Variants in GMDS observed in about 807,000 individuals in gnomAD.
GMDS encodes the protein GDP-mannose 4,6 dehydratase.
In GMDS, 20 loss-of-function variants were observed where a neutral mutation model predicts 49.9. That is an observed-to-expected ratio of 0.40 (90% CI 0.28 to 0.58). GMDS has a LOEUF of 0.58. GMDS is among the 20% of genes least tolerant of loss of function. GMDS has a pLI of 0.42. For missense variants in GMDS, 362 were observed against 481.4 expected, an observed-to-expected ratio of 0.75 and a Z score of 2.32; for synonymous variants, 177 against 178.6, an observed-to-expected ratio of 0.99 and a Z score of 0.07.
chr6:1,741,894 T>C (rs1767286505), intron 8 of GMDS, among the ~76,000 whole-genome samples: 1 of 147,620 alleles, frequency 6.8e-6, no homozygotes, highest in South Asian at 2.2e-4. Context: ...AATAAAATAG[T>C]ATTTAAAAAT....
chr6:2,002,815 T>G (rs1226735008), intron 4 of GMDS, among the ~76,000 whole-genome samples: 1 of 152,208 alleles, frequency 6.6e-6, no homozygotes, highest in East Asian at 1.9e-4. Context: ...GTGTTACACC[T>G]GTAAAAAATC....
intron 7 of GMDS, among the ~76,000 whole-genome samples, chr6:1,918,931 A>T (rs757780796): frequency 1.1e-4 from 17 of 152,224 alleles, no homozygotes; most frequent in Non-Finnish European, 2.2e-4. Context: ...ATATCAAGTA[A>T]ATCTAGCACA....
chr6:2,042,153 G>A (rs1769723847), intron 4 of GMDS, among the ~76,000 whole-genome samples: 1 of 152,180 alleles, frequency 6.6e-6, no homozygotes, highest in African/African-American at 2.4e-5. Flanking sequence ...TTTTAAGTTT[G>A]CTTGCTTGAA....
chr6:2,042,221 A>G (rs1232187813), intron 4 of GMDS, among the ~76,000 whole-genome samples: 1 of 152,254 alleles, frequency 6.6e-6, no homozygotes. Flanking sequence ...TTTAACAAGC[A>G]TTGCCTTTAA....
intron 9 of GMDS, among the ~76,000 whole-genome samples, chr6:1,706,993 C>T (rs966554773): frequency 6.6e-6 from 1 of 152,226 alleles, no homozygotes; most frequent in Non-Finnish European, 1.5e-5. Flanking sequence ...TTTGGCATCT[C>T]ATACTGGTTC....
At chr6:2,141,094 T>C (rs1450860040) in intron 1 of GMDS, among the ~76,000 whole-genome samples, 1 of 152,192 alleles carries the variant, frequency 6.6e-6, no homozygotes, top group Non-Finnish European at 1.5e-5. Flanking sequence ...TACCTTCAAG[T>C]AAACGAAAGG....
intron 4 of GMDS, among the ~76,000 whole-genome samples, chr6:2,097,166 A>G (rs889016959): frequency 2.0e-5 from 3 of 152,158 alleles, no homozygotes. Flanking sequence ...CAGAAACCCA[A>G]TGGAAGCTGT....
intron 7 of GMDS, among the ~76,000 whole-genome samples, chr6:1,854,532 C>G (rs1757860354): frequency 6.6e-6 from 1 of 152,246 alleles, no homozygotes; most frequent in Non-Finnish European, 1.5e-5. Flanking sequence ...CTGGAGACAT[C>G]TGTGATTGTC....
intron 4 of GMDS, among the ~76,000 whole-genome samples, chr6:1,969,784 T>C (rs1764495670): frequency 6.6e-6 from 1 of 152,162 alleles, no homozygotes. Context: ...TCCCCTGGCG[T>C]GCTTCACCTC....
At chr6:2,063,297 A>C (rs1771302488) in intron 4 of GMDS, among the ~76,000 whole-genome samples, 1 of 152,238 alleles carries the variant, frequency 6.6e-6, no homozygotes, top group Non-Finnish European at 1.5e-5. Flanking sequence ...TACTGAAGAT[A>C]TCTAATCAGC....
intron 1 of GMDS, among the ~76,000 whole-genome samples, chr6:2,205,561 C>T (rs1299011355): frequency 3.2e-4 from 48 of 152,182 alleles, no homozygotes; most frequent in Admixed American, 3.1e-3. Context: ...TAATAGCTCC[C>T]ATTTGTTTCC....
At chr6:2,186,229 C>T (rs1342363577) in intron 1 of GMDS, among the ~76,000 whole-genome samples, 1 of 152,098 alleles carries the variant, frequency 6.6e-6, no homozygotes, top group African/African-American at 2.4e-5. Context: ...CTATGCGGAC[C>T]GCTGCAATGT....
At chr6:1,856,356 T>C (rs1757938938) in intron 7 of GMDS, among the ~76,000 whole-genome samples, 1 of 152,194 alleles carries the variant, frequency 6.6e-6, no homozygotes, top group Non-Finnish European at 1.5e-5. Flanking sequence ...TATTCCTACT[T>C]ACAACTCAGC....
intron 1 of GMDS, among the ~76,000 whole-genome samples, chr6:2,208,675 T>C (rs1034510306): frequency 3.3e-5 from 5 of 152,304 alleles, no homozygotes; most frequent in Admixed American, 3.3e-4. Flanking sequence ...AAGAGCTCAA[T>C]GTAGCTGAAA....
chr6:1,692,872 C>G (rs887589752), intron 9 of GMDS, among the ~76,000 whole-genome samples: 1 of 152,112 alleles, frequency 6.6e-6, no homozygotes, highest in African/African-American at 2.4e-5. Context: ...TTGATTGGTT[C>G]TTTTTCTCTT....
chr6:1,853,004 G>A (rs1264183710), intron 7 of GMDS, among the ~76,000 whole-genome samples: 2 of 151,904 alleles, frequency 1.3e-5, no homozygotes, highest in African/African-American at 4.8e-5. Context: ...GCCTGCCTGG[G>A]ATCCGCTTTA....
intron 6 of GMDS, among the ~76,000 whole-genome samples, chr6:1,936,949 AGAGT>A (rs1258524853): frequency 2.0e-5 from 3 of 148,878 alleles, no homozygotes; most frequent in Non-Finnish European, 4.4e-5. Flanking sequence ...CCTGAATGAC[AGAGT>A]GAGACTCTGT....
At chr6:2,061,337 G>T (rs1157384785) in intron 4 of GMDS, among the ~76,000 whole-genome samples, 1 of 151,974 alleles carries the variant, frequency 6.6e-6, no homozygotes, top group African/African-American at 2.4e-5. Context: ...AGTCATTATG[G>T]TATTTTGAAA....
At chr6:1,777,143 C>T (rs1292689994) in intron 7 of GMDS, among the ~76,000 whole-genome samples, 1 of 152,258 alleles carries the variant, frequency 6.6e-6, no homozygotes, top group African/African-American at 2.4e-5. Context: ...ACCATATGGG[C>T]ATGGGCCATA....
Sources: allele counts gnomAD v4.1 joint callset (sites outside exome capture counted in the v4.1 genomes callset), GRCh38; gene constraint gnomAD v4.1.1; transcripts MANE v1.5; gene names NCBI Gene and HGNC (gene_info 2026-07-23, HGNC 2026-07-21).